JADE2: variants seen among roughly 807,000 people sequenced by gnomAD.
JADE2 encodes the protein E3 ubiquitin-protein ligase Jade-2.
In JADE2, 13 loss-of-function variants were observed where a neutral mutation model predicts 85.7. The ratio of observed to expected loss-of-function variants is 0.15; its 90% CI spans 0.10 to 0.24. JADE2 has a LOEUF of 0.24. JADE2 is among the 10% of genes least tolerant of loss of function. The pLI is 1.00. For synonymous variants in JADE2, 440 were observed against 456.1 expected (o/e 0.96, Z 0.45); for missense variants, 846 against 1,115.9 (o/e 0.76, Z 3.45).
rs1764634522 is a variant in JADE2, at chr5:134,580,187, G to A, written c.*870G>A. 1 of 152,796 alleles carries A rather than the reference G, an allele frequency of 6.5e-6. No homozygotes were observed. The highest frequency in any genetic ancestry group is 2.4e-5 in the African/African-American group (1 of 41,470). 9.5% of individuals were successfully genotyped at this position (152,796 alleles called of 1,614,324 possible). Reference sequence around the variant, plus strand: ...AACTTCCTTCCTTCCTTCGGGGCCAGTCTCGGCCGAAGTCTGGTCACGCTC... The same window carrying A: ...AACTTCCTTCCTTCCTTCGGGGCCAATCTCGGCCGAAGTCTGGTCACGCTC... On this transcript the variant is annotated 3_prime_UTR_variant, in exon 12 of 12. Transcript: ENST00000681547.
rs1212632468 is a variant in JADE2 at position 134,579,173 on chromosome 5, G to T, written c.2361G>T (p.Leu787=). 3.7e-6 allele frequency: 6 copies of T among 1,614,258 alleles called. No homozygotes were observed. The East Asian group carries it at 1.3e-4, about 36-fold the overall frequency. Residue 787 remains leucine (L), a synonymous_variant, in exon 12 of 12, where the codon CTG becomes CTT. Transcript: ENST00000681547. The surrounding 1 kb of genome is among the most constrained non-coding windows in gnomAD (Gnocchi z 4.6). ...TGGCTGAGAGGCCCAAGGTCAGCCT[G>T]CATTTTGACACTGAGACTGATGGCT... ...SAVAERPKVS[L]HFDTETDGYF... is the part of the protein sequence containing the mutation.
chr5:134,546,004 A>G (rs66932811), intron 3 of JADE2, among the ~76,000 whole-genome samples: 2 of 152,124 alleles, frequency 1.3e-5, no homozygotes, highest in African/African-American at 4.8e-5. Flanking sequence ...CCAGTTTCTC[A>G]GTTTCACCTG....
intron 3 of JADE2, among the ~76,000 whole-genome samples, chr5:134,540,209 C>T (rs905174683): frequency 2.0e-5 from 3 of 148,288 alleles, no homozygotes; most frequent in African/African-American, 4.9e-5. Flanking sequence ...TCCCCACCCT[C>T]GGTCTTTTTT....
intron 7 of JADE2, among the ~76,000 whole-genome samples, chr5:134,563,315 A>T (rs1031282030): frequency 2.1e-5 from 2 of 96,652 alleles, no homozygotes; most frequent in Non-Finnish European, 5.0e-5. Flanking sequence ...GAGACTGTTT[A>T]AAAAAAAAAA....
chr5:134,546,154 TTTTGTTTGTTTGTTTG>T (rs35088130), intron 3 of JADE2, among the ~76,000 whole-genome samples: 1 of 151,616 alleles, frequency 6.6e-6, no homozygotes. Context: ...TTTTTTGTTT[TTTTGTTTGTTTGTTTG>T]TTTGTTTGTT....
chr5:134,560,274 G>A (rs1763244887), intron 5 of JADE2, among the ~76,000 whole-genome samples: 1 of 152,138 alleles, frequency 6.6e-6, no homozygotes, highest in South Asian at 2.1e-4. Context: ...GCATGCAGGG[G>A]AGGCTAGGAT....
At chr5:134,529,965 A>G (rs1442782135) in intron 1 of JADE2, among the ~76,000 whole-genome samples, 2 of 152,396 alleles carry the variant, frequency 1.3e-5, no homozygotes, top group East Asian at 3.9e-4. Context: ...TTGAAGTTGC[A>G]GACAGGCAAT....
In JADE2 at chr5:134,579,394, GTC is replaced by G; in HGVS notation, c.*81_*82del. On this transcript the variant is annotated 3_prime_UTR_variant, in exon 12 of 12. Transcript: ENST00000681547. The surrounding 1 kb of genome is among the most constrained non-coding windows in gnomAD (Gnocchi z 4.6). ...AGCCCAGTCACAACTGCCATTTCCA[GTC>G]TCTGCTGAGTGTCCCAGACCCTCGA... 4 of 1,197,934 alleles carry G rather than the reference GTC, an allele frequency of 3.3e-6. No homozygotes were observed. Among genetic ancestry groups the G allele is most frequent in the East Asian group, 2.6e-5 (1 of 39,092 alleles). The allele number at this position is 1,197,934 out of a possible 1,614,324, so 74.2% of individuals were successfully genotyped here.
In JADE2 at chr5:134,526,004, G is replaced by A. The variant is rs1263995438; in HGVS notation, c.-8G>A. ...GCAGCGCCCGTCAGGGGGGCACCGCGGAGCAAGGTAAGATCCAGCCCCCGG... is the reference window on the plus strand; with the variant it reads ...GCAGCGCCCGTCAGGGGGGCACCGCAGAGCAAGGTAAGATCCAGCCCCCGG... On this transcript the variant is annotated 5_prime_UTR_variant, in exon 1 of 12. Coordinates refer to ENST00000681547, the MANE Select transcript of JADE2 (RefSeq NM_001388185.1). 19 of 985,312 alleles carry A rather than the reference G, an allele frequency of 1.9e-5. No individual in the cohort carries two copies. Among genetic ancestry groups the A allele is most frequent in the Non-Finnish European group, 2.2e-5 (18 of 830,056 alleles). The allele number at this position is 985,312 out of a possible 1,614,324, so 61.0% of individuals were successfully genotyped here.
intron 2 of JADE2, among the ~76,000 whole-genome samples, chr5:134,537,126 C>G (rs1295115889): frequency 6.6e-6 from 1 of 152,216 alleles, no homozygotes; most frequent in East Asian, 1.9e-4. Context: ...ACCACATCCT[C>G]CATTTCTAAC....
At chr5:134,525,391 G>C (rs1368771830), upstream of JADE2, among the ~76,000 whole-genome samples, 1 of 151,952 alleles carries the variant, frequency 6.6e-6, no homozygotes, top group African/African-American at 2.4e-5. Flanking sequence ...GGGAGTCCGG[G>C]CCCAGGGTGC....
At chr5:134,550,315 A>G (rs1283160698) in intron 3 of JADE2, among the ~76,000 whole-genome samples, 1 of 152,208 alleles carries the variant, frequency 6.6e-6, no homozygotes, top group Admixed American at 6.5e-5. Flanking sequence ...ATTCTGCAAG[A>G]TGCTGCTTCC....
chr5:134,536,844 A>C, intron 2 of JADE2: 1 of 152,234 alleles, frequency 6.6e-6, no homozygotes, highest in Non-Finnish European at 1.5e-5. Context: ...CTTATGAGCA[A>C]GTAAGATTAG....
chr5:134,551,560 G>A (rs1762594255), intron 3 of JADE2, among the ~76,000 whole-genome samples: 1 of 143,174 alleles, frequency 7.0e-6, no homozygotes, highest in South Asian at 2.2e-4. Flanking sequence ...TTAATTTTTA[G>A]TAGAGGCTGG....
rs866892456 is a variant in JADE2 at position 134,562,529 on chromosome 5, T to C, written c.852+162T>C. On this transcript the variant is annotated intron_variant, in intron 7 of 11. Coordinates refer to ENST00000681547, the MANE Select transcript of JADE2 (RefSeq NM_001388185.1). The surrounding 1 kb of genome is among the most constrained non-coding windows in gnomAD (Gnocchi z 4.6). ...GGCTCACGCCTGTAATCCCAGCATT[T>C]TGGGAGGCCGAGGTGGGTGGATCAC... 6.6e-6 allele frequency among the ~76,000 whole-genome samples: 1 copy of C among 152,144 alleles called. No homozygotes were observed. The highest frequency in any genetic ancestry group is 2.1e-4 in the South Asian group (1 of 4,822).
chr5:134,554,139 G>T (rs532904542), intron 4 of JADE2, among the ~76,000 whole-genome samples: 2 of 152,166 alleles, frequency 1.3e-5, no homozygotes, highest in Non-Finnish European at 1.5e-5. Flanking sequence ...CCCTCATTTC[G>T]TGGCAGCTGC....
rs529963710 is a variant in JADE2, at chr5:134,560,753, G to A, written c.480G>A (p.Pro160=). The change falls in exon 6 of 12, where the codon CCG becomes CCA. Residue 160 remains proline, a synonymous_variant. Transcript: ENST00000681547. ...CTGCTGTCCTCCTCACAGAGAGGCC[G>A]GAGCTGGACGAGCTGACATTAGAGC... The part of the protein sequence containing the change: ...INSELKEMER[P]ELDELTLERV... 1.5e-5 allele frequency: 24 copies of A among 1,613,294 alleles called. No individual in the cohort carries two copies. The South Asian group carries it at 2.2e-4, about 15-fold the overall frequency.
chr5:134,526,222 C>G, intron 1 of JADE2: 1 of 985,382 alleles, frequency 1.0e-6, no homozygotes, highest in Non-Finnish European at 1.2e-6. Context: ...GTTGGTCAGT[C>G]GTGTTTTAAA....
chr5:134,544,025 G>T lies in JADE2; in HGVS notation c.153+5942G>T, dbSNP rs115986090. On this transcript the variant is annotated intron_variant, in intron 3 of 11. Coordinates refer to ENST00000681547, the MANE Select transcript of JADE2 (RefSeq NM_001388185.1). The stretch of plus-strand genomic sequence containing the variant: ...CTGGAGGCCAGCCGCATGTTTTGGA[G>T]GGCTACTGTTTGAGGTAGTGTCCTC... Among the ~76,000 whole-genome samples the T allele has an allele frequency of 3.0e-3, 459 of 152,370 alleles. 3 individuals are homozygous for T. Among genetic ancestry groups the T allele is most frequent in the African/African-American group, 0.011 (447 of 41,580 alleles).
Sources: allele counts gnomAD v4.1 joint callset (sites outside exome capture counted in the v4.1 genomes callset), GRCh38; gene constraint gnomAD v4.1.1; non-coding constraint Gnocchi (gnomAD v3.1); transcripts MANE v1.5; gene names NCBI Gene and HGNC (gene_info 2026-07-23, HGNC 2026-07-21).